MAPK8IP3: variants seen among roughly 807,000 people sequenced by gnomAD.
MAPK8IP3 encodes mitogen-activated protein kinase 8 interacting protein 3.
A neutral mutation model predicts 157.8 loss-of-function variants in MAPK8IP3; 49 were observed. The observed-to-expected ratio is 0.31, with a 90% CI of 0.25 to 0.39. The LOEUF (loss-of-function observed/expected upper bound fraction) is 0.39. MAPK8IP3 is among the 10% of genes least tolerant of loss of function. The pLI is 1.00. For missense variants in MAPK8IP3, 1,478 were observed against 1,889.4 expected (o/e 0.78, Z 4.04); for synonymous variants, 897 against 777.7 (o/e 1.15, Z -2.55).
intron 12 of MAPK8IP3, 117 bp from the exon 13 acceptor site, chr16:1,761,107 G>A: frequency 2.5e-6 from 2 of 789,110 alleles, no homozygotes; most frequent in Non-Finnish European, 2.2e-6. Context: ...CCTGTGGGGA[G>A]AGCCCCCAGC....
intron 1 of MAPK8IP3, among the ~76,000 whole-genome samples, chr16:1,718,386 G>C (rs1017076206): frequency 6.7e-6 from 1 of 149,882 alleles, no homozygotes; most frequent in Non-Finnish European, 1.5e-5. Flanking sequence ...GTTTCACCAA[G>C]TTGGCCAGGC....
At chr16:1,735,680 CGTGTGAGCGTCT>C (rs1567162282) in intron 4 of MAPK8IP3, among the ~76,000 whole-genome samples, 2 of 139,236 alleles carry the variant, frequency 1.4e-5, no homozygotes, top group East Asian at 4.6e-4. Context: ...TGTGACCGTC[CGTGTGAGCGTCT>C]GTGTGCCTGT....
At chr16:1,749,193 C>T (rs1231644239) in intron 8 of MAPK8IP3, among the ~76,000 whole-genome samples, 5 of 152,170 alleles carry the variant, frequency 3.3e-5, no homozygotes, top group Non-Finnish European at 2.9e-5. Flanking sequence ...AAAATTCACC[C>T]GCTTCGAGTG....
rs1449582399 is a variant in MAPK8IP3, at chr16:1,724,110, T to C, written c.319-447T>C. 1.3e-5 allele frequency among the ~76,000 whole-genome samples: 2 copies of C among 152,210 alleles called. No homozygotes were observed. The highest frequency in any genetic ancestry group is 4.8e-5 in the African/African-American group (2 of 41,466). On this transcript the variant is annotated intron_variant, in intron 1 of 31. Transcript: ENST00000610761. The surrounding 1 kb of genome is among the most constrained non-coding windows in gnomAD (Gnocchi z 4.1). ...ATTGCAAACAGGACTGGCTGTGTGC[T>C]CATGGATCCCAGTGTAAAAATGGAA...
intron 12 of MAPK8IP3, among the ~76,000 whole-genome samples, chr16:1,760,976 G>A (rs915936857): frequency 1.3e-5 from 2 of 152,204 alleles, no homozygotes; most frequent in Non-Finnish European, 2.9e-5. Context: ...CGCATTCCCG[G>A]GCAGCCAGGA....
At chr16:1,740,529 C>T (rs2141837698) in intron 4 of MAPK8IP3, among the ~76,000 whole-genome samples, 1 of 152,362 alleles carries the variant, frequency 6.6e-6, no homozygotes. Flanking sequence ...TGGCCCACGC[C>T]CTCTAACACC....
intron 1 of MAPK8IP3, among the ~76,000 whole-genome samples, chr16:1,720,888 G>C (rs1053549851): frequency 2.6e-5 from 4 of 152,172 alleles, no homozygotes; most frequent in Admixed American, 2.0e-4. Flanking sequence ...CAAAGAATTA[G>C]CTGGGCGTGG....
At position 1,764,321 on chromosome 16, in the gene MAPK8IP3, C is replaced by G; in HGVS notation, c.2142C>G (p.Val714=). The change falls in exon 19 of 32, where the codon GTC becomes GTG. Residue 714 remains valine (V), a synonymous_variant. Coordinates refer to ENST00000610761, the MANE Select transcript of MAPK8IP3 (RefSeq NM_001318852.2). ...TGCAGCTGTGGTGTGCCGCGGGCGT[C>G]AACCTGAGCGGGTGGAGGCCCAATG... ...PTMKLWCAAG[V]NLSGWRPNED... 5 of 1,576,416 alleles carry G rather than the reference C, an allele frequency of 3.2e-6. No homozygotes were observed. The highest frequency in any genetic ancestry group is 4.3e-6 in the Non-Finnish European group (5 of 1,162,194).
intron 6 of MAPK8IP3, 111 bp downstream of exon 6, chr16:1,747,386 T>C: frequency 6.9e-7 from 1 of 1,439,716 alleles, no homozygotes; most frequent in Non-Finnish European, 9.3e-7. Flanking sequence ...CAGAGACGTG[T>C]TCCTCACAGC....
At chr16:1,760,282 G>A in intron 11 of MAPK8IP3, 98 bp from the exon 12 acceptor site, 3 of 1,467,654 alleles carry the variant, frequency 2.0e-6, no homozygotes, top group Non-Finnish European at 2.8e-6. Flanking sequence ...ACCAGGCTGT[G>A]CCTTCTCCAG....
chr16:1,757,925 C>T (rs1014850703), intron 8 of MAPK8IP3, among the ~76,000 whole-genome samples: 3 of 152,258 alleles, frequency 2.0e-5, no homozygotes, highest in African/African-American at 7.2e-5. Context: ...CAGCCCTGGG[C>T]TGGACCACGG....
In MAPK8IP3 at chr16:1,724,787, C is replaced by T; in HGVS notation, c.439+110C>T. The stretch of plus-strand genomic sequence containing the variant: ...CCACACAAGGGGACGAGAGGAAGCC[C>T]AGTGGGAGCCTCAGCCATGTATTCC... On this transcript the variant is annotated intron_variant, in intron 2 of 31. Coordinates refer to ENST00000610761, the MANE Select transcript of MAPK8IP3 (RefSeq NM_001318852.2). The surrounding 1 kb of genome is among the most constrained non-coding windows in gnomAD (Gnocchi z 4.1). The T allele has an allele frequency of 7.1e-7, 1 of 1,401,398 alleles. No individual in the cohort carries two copies. The highest frequency in any genetic ancestry group is 9.6e-7 in the Non-Finnish European group (1 of 1,038,046). 86.8% of individuals were successfully genotyped at this position (1,401,398 alleles called of 1,614,324 possible).
chr16:1,749,679 C>T (rs2041179217), intron 8 of MAPK8IP3, among the ~76,000 whole-genome samples: 1 of 152,242 alleles, frequency 6.6e-6, no homozygotes. Flanking sequence ...AGTCTGTCCC[C>T]TTGCACGCGT....
Position 1,706,677 on chromosome 16 carries a change from C to T in MAPK8IP3, c.318+20C>T. ...GAGGAGGTGCGTGGGCCGCGGGACCCGCCCGCATCCCCGTCCCGGACCCCC... is the reference window on the plus strand; with the variant it reads ...GAGGAGGTGCGTGGGCCGCGGGACCTGCCCGCATCCCCGTCCCGGACCCCC... On this transcript the variant is annotated intron_variant, in intron 1 of 31. Coordinates refer to ENST00000610761, the MANE Select transcript of MAPK8IP3 (RefSeq NM_001318852.2). This position sits in a 1 kb window ranked among gnomAD's most constrained non-coding sequence, Gnocchi z 5.1. 1.3e-6 allele frequency: 2 copies of T among 1,518,792 alleles called. No individual in the cohort carries two copies. 94.1% of individuals were successfully genotyped at this position (1,518,792 alleles called of 1,614,324 possible).
At chr16:1,731,482 C>G (rs991412532) in intron 4 of MAPK8IP3, among the ~76,000 whole-genome samples, 1 of 152,180 alleles carries the variant, frequency 6.6e-6, no homozygotes, top group African/African-American at 2.4e-5. Context: ...CCCAGATGCC[C>G]GGAGAGGAGA....
In MAPK8IP3 at chr16:1,747,182, G is replaced by A. The variant is rs200459991; in HGVS notation, c.901G>A (p.Val301Met). 9.2e-5 allele frequency: 148 copies of A among 1,613,804 alleles called. No individual in the cohort carries two copies. The highest frequency in any genetic ancestry group is 3.3e-4 in the Middle Eastern group (2 of 6,084). Residue 301 changes from valine (V) to methionine (M), a missense_variant, in exon 6 of 32, where the codon GTG becomes ATG. By Grantham distance (21) the Val-to-Met change is conservative. Around this residue, in one of 11 missense-constraint regions of MAPK8IP3, gnomAD observed 315 missense variants for 394.4 expected, o/e 0.80. Coordinates refer to ENST00000610761, the MANE Select transcript of MAPK8IP3 (RefSeq NM_001318852.2). ...CCTGCAGCCCCTGGGGGACTATGGCGTGGGCTCCAAGAACAGCAAGCGTGC... is the reference window on the plus strand; with the variant it reads ...CCTGCAGCCCCTGGGGGACTATGGCATGGGCTCCAAGAACAGCAAGCGTGC... ...ESLQPLGDYGVGSKNSKRARE... is the reference protein window; with the variant it reads ...ESLQPLGDYGMGSKNSKRARE...
chr16:1,718,265 A>C (rs995274288), intron 1 of MAPK8IP3, among the ~76,000 whole-genome samples: 2 of 150,116 alleles, frequency 1.3e-5, no homozygotes, highest in Admixed American at 1.3e-4. Context: ...GCTCACTGCA[A>C]CCTCTGCCTC....
At chr16:1,711,122 ATC>A (rs886557146) in intron 1 of MAPK8IP3, among the ~76,000 whole-genome samples, 2 of 152,276 alleles carry the variant, frequency 1.3e-5, no homozygotes, top group Admixed American at 6.5e-5. Flanking sequence ...TAAATGAAAT[ATC>A]TGTTTCATTT....
intron 8 of MAPK8IP3, chr16:1,749,044 G>T (rs923579265): frequency 7.4e-6 from 3 of 406,528 alleles, no homozygotes; most frequent in Non-Finnish European, 1.4e-5. Context: ...CTGTTATGCT[G>T]TGTCGTTTAG....
Sources: allele counts gnomAD v4.1 joint callset (sites outside exome capture counted in the v4.1 genomes callset), GRCh38; gene constraint gnomAD v4.1.1; regional missense constraint gnomAD v4.1.1; non-coding constraint Gnocchi (gnomAD v3.1); transcripts MANE v1.5; gene names NCBI Gene and HGNC (gene_info 2026-07-23, HGNC 2026-07-21).